TMTC2: variants seen among roughly 807,000 people sequenced by gnomAD.
TMTC2 encodes transmembrane O-mannosyltransferase targeting cadherins 2, also known as protein O-mannosyl-transferase TMTC2.
Under a neutral mutation model 82.4 loss-of-function variants are expected in TMTC2, and 43 were observed. That is an observed-to-expected ratio of 0.52 (90% CI 0.41 to 0.67). The LOEUF (loss-of-function observed/expected upper bound fraction) is 0.67. Among genes scored for constraint, TMTC2 ranks in the 30% least tolerant of loss-of-function variants. The probability of loss-of-function intolerance (pLI) is 0.00; values close to 1 mark genes in which losing one functional copy is unlikely to be tolerated. For synonymous variants in TMTC2, 408 were observed against 381.9 expected (o/e 1.07, Z -0.80); for missense variants, 919 against 1,012.4 (o/e 0.91, Z 1.25).
At chr12:82,819,703 A>G (rs1232076745) in intron 1 of TMTC2, among the ~76,000 whole-genome samples, 1 of 151,760 alleles carries the variant, frequency 6.6e-6, no homozygotes, top group Non-Finnish European at 1.5e-5. Flanking sequence ...GGGTTTCACC[A>G]TGTTGGCCAG....
chr12:82,716,712 TATCA>T (rs1203700955), intron 1 of TMTC2, among the ~76,000 whole-genome samples: 69 of 152,168 alleles, frequency 4.5e-4, no homozygotes, highest in Non-Finnish European at 7.2e-4. Flanking sequence ...GTGGACATAC[TATCA>T]GGTGCCCGGA....
At chr12:82,741,238 T>G (rs553581966) in intron 1 of TMTC2, among the ~76,000 whole-genome samples, 5 of 152,294 alleles carry the variant, frequency 3.3e-5, no homozygotes, top group South Asian at 2.1e-4. Context: ...TGAGGTGGTT[T>G]GTTTGTTTGT....
intron 1 of TMTC2, among the ~76,000 whole-genome samples, chr12:82,715,563 CT>C: frequency 6.6e-6 from 1 of 152,290 alleles, no homozygotes; most frequent in South Asian, 2.1e-4. Flanking sequence ...AGACTTCAGA[CT>C]TTCTTCCTGC....
At chr12:82,924,705 T>C (rs1875599675) in intron 3 of TMTC2, among the ~76,000 whole-genome samples, 1 of 152,210 alleles carries the variant, frequency 6.6e-6, no homozygotes, top group African/African-American at 2.4e-5. Context: ...ATCTGTCCTG[T>C]TGGAAACCAC....
chr12:82,853,220 A>G (rs1306895623), intron 1 of TMTC2, among the ~76,000 whole-genome samples: 1 of 151,888 alleles, frequency 6.6e-6, no homozygotes, highest in East Asian at 1.9e-4. Context: ...CTCCTGCCTC[A>G]GGCTCTTGAA....
chr12:82,835,556 T>C lies in TMTC2; in HGVS notation c.84-21454T>C, dbSNP rs550079588. 2.6e-5 allele frequency among the ~76,000 whole-genome samples: 4 copies of C among 152,344 alleles called. No homozygotes were observed. The South Asian group carries it at 8.3e-4, about 32-fold the overall frequency. On this transcript the variant is annotated intron_variant, in intron 1 of 11. Coordinates refer to ENST00000321196, the MANE Select transcript of TMTC2 (RefSeq NM_152588.3). ...AGTTGGTCATTTAATTCTTTCAGGA[T>C]CTTTTTGGATACTGGACCCTGTTAA...
chr12:83,118,293 T>C (rs932418077), intron 11 of TMTC2, among the ~76,000 whole-genome samples: 1 of 152,192 alleles, frequency 6.6e-6, no homozygotes, highest in African/African-American at 2.4e-5. Flanking sequence ...TTCAATATTA[T>C]GTTGCCTGTA....
At chr12:83,106,652 A>G (rs938534218) in intron 11 of TMTC2, among the ~76,000 whole-genome samples, 1 of 152,248 alleles carries the variant, frequency 6.6e-6, no homozygotes, top group African/African-American at 2.4e-5. Context: ...CCAGCCAGAG[A>G]GAAAAGAAAA....
At chr12:82,917,806 G>A (rs1250523314) in intron 3 of TMTC2, among the ~76,000 whole-genome samples, 2 of 152,134 alleles carry the variant, frequency 1.3e-5, no homozygotes, top group Non-Finnish European at 2.9e-5. Flanking sequence ...GTTTCACCGT[G>A]TTAGCCAGGA....
intron 8 of TMTC2, among the ~76,000 whole-genome samples, chr12:83,029,902 A>T (rs2137420996): frequency 6.6e-6 from 1 of 152,310 alleles, no homozygotes. Flanking sequence ...TGTGCGTATG[A>T]TGGTAATATT....
chr12:82,938,646 C>T (rs1248157988), intron 4 of TMTC2, among the ~76,000 whole-genome samples: 1 of 152,064 alleles, frequency 6.6e-6, no homozygotes, highest in Non-Finnish European at 1.5e-5. Flanking sequence ...ACTCAGCCGG[C>T]CCTTTACTAA....
chr12:82,801,233 G>A lies in TMTC2; in HGVS notation c.84-55777G>A, dbSNP rs113755069. 4.6e-3 allele frequency among the ~76,000 whole-genome samples: 696 copies of A among 152,164 alleles called. 4 individuals are homozygous for A. Among genetic ancestry groups the A allele is most frequent in the African/African-American group, 0.016 (662 of 41,506 alleles). On this transcript the variant is annotated intron_variant, in intron 1 of 11. Coordinates refer to ENST00000321196, the MANE Select transcript of TMTC2 (RefSeq NM_152588.3). Reference sequence around the variant, plus strand: ...GCGGACCCTTGCGGTGAGTGTTACAGTTCTTAAAGGCGGTGTGTCCGGAGT... The same window carrying A: ...GCGGACCCTTGCGGTGAGTGTTACAATTCTTAAAGGCGGTGTGTCCGGAGT...
chr12:82,795,764 G>A (rs528116014), intron 1 of TMTC2, among the ~76,000 whole-genome samples: 55 of 152,260 alleles, frequency 3.6e-4, no homozygotes, highest in African/African-American at 1.3e-3. Flanking sequence ...CTTGGAGGCA[G>A]AGAGCAGCCC....
chr12:82,930,518 G>A lies in TMTC2; in HGVS notation c.1571G>A (p.Ser524Asn), dbSNP rs1875971387. The A allele has an allele frequency of 6.3e-7, 1 of 1,596,220 alleles. No individual in the cohort carries two copies. The highest frequency in any genetic ancestry group is 8.6e-7 in the Non-Finnish European group (1 of 1,167,036). ...TATAGAAATGCTTTGTACTACCGCA[G>A]CAACATGGCTGACATGCTTTATAAT... Reference protein sequence around the residue: ...SAYRNALYYRSNMADMLYNLG... With the variant: ...SAYRNALYYRNNMADMLYNLG... The change falls in exon 4 of 12, where the codon AGC becomes AAC. Residue 524 changes from serine to asparagine, a missense_variant. Ser to Asn is a conservative substitution (Grantham distance 46, BLOSUM62 1). Coordinates refer to ENST00000321196, the MANE Select transcript of TMTC2 (RefSeq NM_152588.3).
chr12:82,846,314 T>C (rs944633520), intron 1 of TMTC2, among the ~76,000 whole-genome samples: 1 of 152,016 alleles, frequency 6.6e-6, no homozygotes, highest in African/African-American at 2.4e-5. Context: ...GCTGAGATCA[T>C]GTGACTGCAC....
At chr12:82,775,757 T>C (rs2137001610) in intron 1 of TMTC2, among the ~76,000 whole-genome samples, 1 of 152,208 alleles carries the variant, frequency 6.6e-6, no homozygotes, top group Non-Finnish European at 1.5e-5. Flanking sequence ...GATGCTCATA[T>C]TTCTTCCATT....
intron 3 of TMTC2, among the ~76,000 whole-genome samples, chr12:82,907,874 G>A (rs1184799460): frequency 6.6e-6 from 1 of 152,066 alleles, no homozygotes; most frequent in Non-Finnish European, 1.5e-5. Flanking sequence ...AGCACTCTAG[G>A]AGGCCGAGGT....
intron 7 of TMTC2, among the ~76,000 whole-genome samples, chr12:82,976,729 G>C (rs139158611): frequency 1.2e-4 from 19 of 152,142 alleles, no homozygotes; most frequent in African/African-American, 4.3e-4. Context: ...AGTTACACCA[G>C]GTTTGTAGCA....
chr12:82,698,816 C>G (rs1437604953), intron 1 of TMTC2, among the ~76,000 whole-genome samples: 1 of 152,050 alleles, frequency 6.6e-6, no homozygotes, highest in Non-Finnish European at 1.5e-5. Context: ...CACTGTGATA[C>G]CTCGTCAATT....
Sources: allele counts gnomAD v4.1 joint callset (sites outside exome capture counted in the v4.1 genomes callset), GRCh38; gene constraint gnomAD v4.1.1; transcripts MANE v1.5; gene names NCBI Gene and HGNC (gene_info 2026-07-23, HGNC 2026-07-21).